Variants in NUP133 observed in about 807,000 individuals in gnomAD.
NUP133 encodes the protein nuclear pore complex protein Nup133.
NUP133 carries 66 observed loss-of-function variants against 146.2 expected under a neutral mutation model. The ratio of observed to expected loss-of-function variants is 0.45; its 90% confidence interval spans 0.37 to 0.55. NUP133 has a LOEUF of 0.55. Among genes scored for constraint, NUP133 ranks in the 20% least tolerant of loss-of-function variants. The pLI is 0.00. For missense variants in NUP133, 1,277 were observed against 1,374.8 expected, an observed-to-expected ratio of 0.93 and a Z score of 1.12; for synonymous variants, 521 against 498.8, an observed-to-expected ratio of 1.04 and a Z score of -0.59.
intron 19 of NUP133, among the ~76,000 whole-genome samples, chr1:229,462,049 A>G (rs983371041): frequency 2.9e-4 from 44 of 152,304 alleles, no homozygotes; most frequent in African/African-American, 1.0e-3. Flanking sequence ...ATGACTGGCT[A>G]ATTTTTGTAT....
At chr1:229,476,726 C>A (rs193218114) in intron 13 of NUP133, among the ~76,000 whole-genome samples, 184 of 151,986 alleles carry the variant, frequency 1.2e-3, no homozygotes, top group African/African-American at 4.2e-3. Context: ...GAGTTCAAGA[C>A]CAGCCTGGCC....
rs183081417 is a variant in NUP133 at position 229,444,104 on chromosome 1, G to A, written c.3334+810C>T. 7.4e-3 allele frequency among the ~76,000 whole-genome samples: 1,126 copies of A among 151,896 alleles called. 16 individuals carry two copies. Among genetic ancestry groups the A allele is most frequent in the African/African-American group, 0.026 (1,079 of 41,452 alleles). On this transcript the variant is annotated intron_variant, in intron 25 of 25. Transcript: ENST00000261396. ...TCCCAGCAATTTGGGAGGCTGAGGC[G>A]GGCAGATCACGAGGTCAGGAGTTCG...
At chr1:229,503,679 G>C (rs375297939) in intron 2 of NUP133, among the ~76,000 whole-genome samples, 2 of 152,196 alleles carry the variant, frequency 1.3e-5, no homozygotes, top group East Asian at 3.8e-4. Flanking sequence ...GAGGCTTTTT[G>C]CTCAACTGAA....
intron 1 of NUP133, 200 bp downstream of exon 1, chr1:229,507,867 CA>C: frequency 1.0e-6 from 1 of 973,656 alleles, no homozygotes; most frequent in South Asian, 4.7e-5. Context: ...ATGAAAAATG[CA>C]AAGTGGGGAA....
At chr1:229,452,394 T>A in intron 22 of NUP133, 131 bp downstream of exon 22, 1 of 591,924 alleles carries the variant, frequency 1.7e-6, no homozygotes, top group African/African-American at 1.9e-5. Flanking sequence ...AACAACGTTT[T>A]TCTAGGGGAG....
chr1:229,495,379 A>C, intron 8 of NUP133, 116 bp downstream of exon 8: 1 of 709,792 alleles, frequency 1.4e-6, no homozygotes, highest in Non-Finnish European at 2.4e-6. Context: ...TGATAGAGTG[A>C]GACCCTGTCT....
Position 229,463,568 on chromosome 1 carries a change from C to T in NUP133, c.2660G>A (p.Arg887His), listed in dbSNP as rs375446105. The change falls in exon 19 of 26, where the codon CGC (arginine) becomes CAC (histidine). Residue 887 changes from arginine to histidine, a missense_variant. Arg to His is a conservative substitution (Grantham distance 29). Coordinates refer to ENST00000261396, the MANE Select transcript of NUP133 (RefSeq NM_018230.3). ...CTGATCAGCAAACTGGGTCATGTAG[C>T]GCTGGAGTCGGCTCTGGTTGTCAGT... Reference protein sequence around the residue: ...EQTDNQSRLQRYMTQFADQNF... With the variant: ...EQTDNQSRLQHYMTQFADQNF... 2.2e-5 allele frequency: 35 copies of T among 1,613,898 alleles called. No individual in the cohort carries two copies. Among genetic ancestry groups the T allele is most frequent in the Admixed American group, 3.3e-5 (2 of 59,972 alleles).
chr1:229,494,390 C>T (rs1558106556), intron 8 of NUP133, among the ~76,000 whole-genome samples: 1 of 152,158 alleles, frequency 6.6e-6, no homozygotes, highest in Non-Finnish European at 1.5e-5. Context: ...CAAAGTGGTA[C>T]AACTGCAATA....
intron 13 of NUP133, 147 bp from the exon 14 acceptor site, chr1:229,475,879 G>A (rs1661062979): frequency 3.2e-6 from 2 of 618,788 alleles, no homozygotes; most frequent in Non-Finnish European, 5.8e-6. Flanking sequence ...GGAGGTCGAG[G>A]TGGGCAGATC....
intron 21 of NUP133, among the ~76,000 whole-genome samples, chr1:229,452,916 T>C (rs1424341321): frequency 1.3e-5 from 2 of 152,332 alleles, no homozygotes; most frequent in African/African-American, 4.8e-5. Flanking sequence ...ATACGTTCAA[T>C]GCTTGAAGAA....
At chr1:229,477,841 T>A in intron 12 of NUP133, 81 bp from the exon 13 acceptor site, 2 of 1,053,896 alleles carry the variant, frequency 1.9e-6, no homozygotes, top group African/African-American at 1.6e-5. Flanking sequence ...AATTATGGAC[T>A]ACTATTCAGC....
chr1:229,450,694 G>A (rs1660428274), intron 22 of NUP133, 89 bp from the exon 23 acceptor site: 2 of 593,590 alleles, frequency 3.4e-6, no homozygotes, highest in East Asian at 6.2e-5. Flanking sequence ...ATTATGTCTT[G>A]TAAGGAAGTT....
intron 8 of NUP133, among the ~76,000 whole-genome samples, chr1:229,492,604 G>C (rs1661555414): frequency 6.6e-6 from 1 of 151,806 alleles, no homozygotes; most frequent in Non-Finnish European, 1.5e-5. Context: ...CTTCTGCTTG[G>C]ACTCTTGAAA....
At chr1:229,507,808 A>C (rs1178236416) in intron 1 of NUP133, 1 of 589,824 alleles carries the variant, frequency 1.7e-6, no homozygotes, top group Non-Finnish European at 2.1e-6. Flanking sequence ...GAAGTAGGTA[A>C]ACACTGATGC....
intron 19 of NUP133, among the ~76,000 whole-genome samples, chr1:229,461,659 A>T (rs539202771): frequency 6.6e-6 from 1 of 152,334 alleles, no homozygotes; most frequent in East Asian, 1.9e-4. Flanking sequence ...GAAAACTATG[A>T]TTCAAGCAAC....
chr1:229,458,349 A>C (rs1002655159), intron 20 of NUP133, 53 bp from the exon 21 acceptor site: 8 of 1,567,392 alleles, frequency 5.1e-6, no homozygotes, highest in Non-Finnish European at 8.7e-7. Context: ...ATTCAAGCTG[A>C]AACAAAGGTA....
intron 15 of NUP133, among the ~76,000 whole-genome samples, chr1:229,468,467 T>C (rs977058117): frequency 6.6e-6 from 1 of 152,174 alleles, no homozygotes; most frequent in African/African-American, 2.4e-5. Flanking sequence ...AGATAAATAG[T>C]GACAGGAACA....
In NUP133 at chr1:229,444,948, T is replaced by C. The variant is rs1483802026; in HGVS notation, c.3300A>G (p.Ile1100Met). Residue 1100 changes from isoleucine (I) to methionine (M), a missense_variant, in exon 25 of 26, where the codon ATA (isoleucine) becomes ATG (methionine). By Grantham distance (10) the Ile-to-Met change is conservative. This residue lies in a region of NUP133 where 952 missense variants were observed against 1,047.0 expected (regional missense o/e 0.91). Coordinates refer to ENST00000261396, the MANE Select transcript of NUP133 (RefSeq NM_018230.3). Reference sequence around the variant, plus strand: ...AAAGTTTCTGTAAGATCTTCACAAATATACTGTCTTTAGATACTTCAATTG... The same window carrying C: ...AAAGTTTCTGTAAGATCTTCACAAACATACTGTCTTTAGATACTTCAATTG... ...DDPIEVSKDS[I>M]FVKILQKLLK... 1.2e-6 allele frequency: 2 copies of C among 1,612,002 alleles called. No homozygotes were observed. Among genetic ancestry groups the C allele is most frequent in the African/African-American group, 2.7e-5 (2 of 74,864 alleles).
rs1369336706 is a variant in NUP133 at position 229,486,395 on chromosome 1, A to T, written c.1476T>A (p.Ser492=). Residue 492 remains serine (S), a synonymous_variant, in exon 11 of 26, where the codon TCT becomes TCA. Coordinates refer to ENST00000261396, the MANE Select transcript of NUP133 (RefSeq NM_018230.3). The part of the protein sequence containing the change: ...LAEDLEGSLA[S]SVAGPNSESM... Reference sequence around the variant, plus strand: ...CCTCACTGTTTGGTCCAGCAACTGAAGATGCTAAAGACCCTTCCAAGTCTT... The same window carrying T: ...CCTCACTGTTTGGTCCAGCAACTGATGATGCTAAAGACCCTTCCAAGTCTT... The T allele has an allele frequency of 1.9e-6, 3 of 1,592,508 alleles. No individual in the cohort carries two copies. In the African/African-American group the frequency reaches 4.2e-5, roughly 22 times the overall value.
Sources: gnomAD v4.1 joint callset for allele counts (sites outside exome capture counted in the v4.1 genomes callset) on GRCh38, gnomAD v4.1.1 for gene constraint, gnomAD v4.1.1 regional missense constraint, MANE v1.5 for transcripts, NCBI Gene and HGNC (gene_info 2026-07-23, HGNC 2026-07-21) for gene names.